Variants in KCNMA1 observed in about 807,000 individuals in gnomAD.
The protein encoded by KCNMA1 is Calcium-activated potassium channel subunit alpha-1.
KCNMA1 carries 29 observed loss-of-function variants against 140.0 expected under a neutral mutation model. That is an observed-to-expected ratio of 0.21 (90% confidence interval 0.15 to 0.28). The LOEUF is 0.28. Among genes scored for constraint, KCNMA1 ranks in the 10% least tolerant of loss-of-function variants. KCNMA1 has a pLI of 1.00. For synonymous variants in KCNMA1, 612 were observed against 611.9 expected, an observed-to-expected ratio of 1.00 and a Z score of 0.00; for missense variants, 880 against 1,602.2, an observed-to-expected ratio of 0.55 and a Z score of 7.70.
intron 1 of KCNMA1, among the ~76,000 whole-genome samples, chr10:77,502,194 C>A (rs967691813): frequency 1.3e-5 from 2 of 152,200 alleles, no homozygotes; most frequent in Admixed American, 1.3e-4. Flanking sequence ...GAGAAAAAGT[C>A]ACGAAGTTTC....
intron 1 of KCNMA1, among the ~76,000 whole-genome samples, chr10:77,563,456 G>A (rs528493851): frequency 8.6e-5 from 13 of 152,022 alleles, no homozygotes; most frequent in Admixed American, 3.3e-4. Flanking sequence ...CAGTCCTCTC[G>A]AGAGTCCAGG....
chr10:77,217,918 AAAATGCTTTAC>A (rs2154184724), intron 3 of KCNMA1, among the ~76,000 whole-genome samples: 1 of 152,338 alleles, frequency 6.6e-6, no homozygotes, highest in East Asian at 1.9e-4. Context: ...TCATGAGACC[AAAATGCTTTAC>A]AAAGGCTTAA....
chr10:77,106,242 A>G (rs1217779641), intron 9 of KCNMA1, among the ~76,000 whole-genome samples: 1 of 152,162 alleles, frequency 6.6e-6, no homozygotes, highest in Non-Finnish European at 1.5e-5. Flanking sequence ...AGCAAAGTGC[A>G]TTTTCATAAA....
chr10:77,027,365 C>T (rs1228992714), intron 16 of KCNMA1, among the ~76,000 whole-genome samples: 1 of 152,124 alleles, frequency 6.6e-6, no homozygotes, highest in African/African-American at 2.4e-5. Context: ...CCGGGAGAAG[C>T]ACATATGGTA....
rs2052171918 is a variant in KCNMA1 at position 76,915,007 on chromosome 10, C to T, written c.2945G>A (p.Ser982Asn). ...TTGACGTAACATCCCGTGCACTGGGCTGTTATCTGGAGAGGATCTATCCAT... is the reference window on the plus strand; with the variant it reads ...TTGACGTAACATCCCGTGCACTGGGTTGTTATCTGGAGAGGATCTATCCAT... The part of the protein sequence containing the change: ...PGMDRSSPDN[S>N]PVHGMLRQPS... Residue 982 changes from serine to asparagine, a missense_variant, in exon 24 of 28, where the codon AGC (serine) becomes AAC (asparagine). Ser to Asn is a conservative substitution (Grantham distance 46). Coordinates refer to ENST00000286628, the MANE Select transcript of KCNMA1 (RefSeq NM_001161352.2). 1.9e-6 allele frequency: 3 copies of T among 1,613,488 alleles called. No individual in the cohort carries two copies. Among genetic ancestry groups the T allele is most frequent in the South Asian group, 2.2e-5 (2 of 91,074 alleles).
intron 5 of KCNMA1, among the ~76,000 whole-genome samples, chr10:77,146,734 AGAAAGAAG>A (rs1240823565): frequency 1.1e-4 from 16 of 142,812 alleles, no homozygotes; most frequent in Middle Eastern, 3.6e-3. Context: ...AAAAAAAGAA[AGAAAGAAG>A]GAAAGAAAAA....
chr10:77,542,811 C>T (rs1408391894), intron 1 of KCNMA1, among the ~76,000 whole-genome samples: 1 of 152,150 alleles, frequency 6.6e-6, no homozygotes, highest in East Asian at 1.9e-4. Flanking sequence ...CCTAACCCCA[C>T]CCCATGCTTC....
intron 1 of KCNMA1, among the ~76,000 whole-genome samples, chr10:77,429,352 T>G (rs1456516365): frequency 6.6e-5 from 10 of 152,176 alleles, no homozygotes; most frequent in Non-Finnish European, 1.5e-4. Context: ...GCAGGAGGTT[T>G]GGCAGCATCC....
At chr10:76,892,218 T>C (rs2040431062) in intron 25 of KCNMA1, among the ~76,000 whole-genome samples, 1 of 152,214 alleles carries the variant, frequency 6.6e-6, no homozygotes, top group South Asian at 2.1e-4. Flanking sequence ...ACCACATGCG[T>C]TGATAACTGT....
chr10:77,181,112 C>G (rs1018613676), intron 5 of KCNMA1, among the ~76,000 whole-genome samples: 12 of 152,140 alleles, frequency 7.9e-5, no homozygotes, highest in African/African-American at 1.9e-4. Flanking sequence ...TTCCATCACC[C>G]AGGCCCACAG....
In KCNMA1 at chr10:76,886,959, C is replaced by T. The variant is rs1224929006; in HGVS notation, c.*307G>A. The T allele has an allele frequency of 1.6e-6, 2 of 1,223,316 alleles. No individual in the cohort carries two copies. Among genetic ancestry groups the T allele is most frequent in the African/African-American group, 3.1e-5 (2 of 64,262 alleles). The allele number at this position is 1,223,316 out of a possible 1,614,324, so 75.8% of individuals were successfully genotyped here. A position where few individuals can be genotyped will look rare whatever the true frequency, so the allele number is the denominator to read the frequency against. On this transcript the variant is annotated 3_prime_UTR_variant, in exon 28 of 28. Transcript: ENST00000286628. ...GCCTAACTGACGTTGATCACAAGTG[C>T]TCCCTTCTAATCTGTGAACTCGTTC...
chr10:77,342,140 C>T (rs980665950), intron 2 of KCNMA1, among the ~76,000 whole-genome samples: 1 of 152,150 alleles, frequency 6.6e-6, no homozygotes, highest in African/African-American at 2.4e-5. Context: ...TGTCATGGCA[C>T]ATGGGGGCTA....
intron 1 of KCNMA1, among the ~76,000 whole-genome samples, chr10:77,553,233 T>C (rs988904673): frequency 2.6e-5 from 4 of 152,262 alleles, no homozygotes; most frequent in Non-Finnish European, 4.4e-5. Context: ...TTCTTTTTTT[T>C]CCCCCGTGGG....
At chr10:77,280,195 G>A (rs186807105) in intron 2 of KCNMA1, among the ~76,000 whole-genome samples, 118 of 152,274 alleles carry the variant, frequency 7.7e-4, no homozygotes, top group Admixed American at 1.9e-3. Flanking sequence ...TCATCAATGC[G>A]CTAGAAACAC....
chr10:76,904,187 A>C (rs2046811251), intron 25 of KCNMA1: 2 of 152,240 alleles, frequency 1.3e-5, no homozygotes, highest in Non-Finnish European at 2.9e-5. Context: ...ACAGTAGAAA[A>C]AATGTGCAAG....
At chr10:76,913,969 G>T (rs891757147) in intron 24 of KCNMA1, 6 of 1,001,848 alleles carry the variant, frequency 6.0e-6, no homozygotes, top group Non-Finnish European at 9.1e-6. Flanking sequence ...GTTACAGCCG[G>T]TGAAATAAAA....
chr10:76,930,060 T>C (rs1202215224), intron 23 of KCNMA1: 1 of 152,156 alleles, frequency 6.6e-6, no homozygotes, highest in African/African-American at 2.4e-5. Flanking sequence ...CTCTTTGACA[T>C]TGGTCTGGGC....
At chr10:77,231,792 C>T (rs1056578664) in intron 3 of KCNMA1, among the ~76,000 whole-genome samples, 3 of 152,238 alleles carry the variant, frequency 2.0e-5, no homozygotes, top group Admixed American at 6.5e-5. Flanking sequence ...TTCTCCACAT[C>T]ACAGTCATTA....
intron 2 of KCNMA1, among the ~76,000 whole-genome samples, chr10:77,341,329 A>G (rs287170): frequency 0.24 from 35,788 of 152,070 alleles, 4,527 homozygotes; most frequent in Admixed American, 0.28. Context: ...AAGTCCTTCT[A>G]TGAGCTTGTC....
Sources: allele counts gnomAD v4.1 joint callset (sites outside exome capture counted in the v4.1 genomes callset), GRCh38; gene constraint gnomAD v4.1.1; transcripts MANE v1.5; gene names NCBI Gene and HGNC (gene_info 2026-07-23, HGNC 2026-07-21).